Variants in SRGAP2C observed in about 807,000 individuals in gnomAD.
SRGAP2C encodes the protein SLIT-ROBO Rho GTPase-activating protein 2C.
In SRGAP2C, 15 loss-of-function variants were observed where a neutral mutation model predicts 25.1. The ratio of observed to expected loss-of-function variants is 0.60; its 90% CI spans 0.40 to 0.92. SRGAP2C has a LOEUF of 0.92. SRGAP2C is among the 40% of genes least tolerant of loss of function. The pLI is 0.00. For missense variants in SRGAP2C, 144 were observed against 264.4 expected (o/e 0.54, Z 3.16); for synonymous variants, 44 against 96.6 (o/e 0.46, Z 3.19).
chr1:121,361,834 A>AT (rs1203923145), intron 4 of SRGAP2C: 1 of 131,916 alleles, frequency 7.6e-6, no homozygotes, highest in East Asian at 2.3e-4. Context: ...GTCCAAAGTA[A>AT]TTTTTTCCCC....
chr1:121,265,847 T>C (rs1656762996), intron 2 of SRGAP2C, among the ~76,000 whole-genome samples: 3 of 151,948 alleles, frequency 2.0e-5, no homozygotes, highest in Admixed American at 1.3e-4. Context: ...AAATGTAACC[T>C]AGTGATCTGG....
chr1:121,309,445 T>TA (rs1420870101), intron 3 of SRGAP2C, among the ~76,000 whole-genome samples: 2 of 137,262 alleles, frequency 1.5e-5, no homozygotes, highest in Non-Finnish European at 3.2e-5. Flanking sequence ...TTTAATACTT[T>TA]AAGTTTTAGG....
rs1553340530 is a variant in SRGAP2C, at chr1:121,315,620, C to G, written c.261-8858C>G. ...ATAATATGCTGTAATTTAGAGCACA[C>G]AAGCCAATGGACATACAAATTTGGT... On this transcript the variant is annotated intron_variant, in intron 3 of 9. Transcript: ENST00000367123. 2.2e-4 allele frequency among the ~76,000 whole-genome samples: 33 copies of G among 149,792 alleles called. No individual in the cohort carries two copies. The East Asian group carries it at 5.0e-3, about 22-fold the overall frequency.
At chr1:121,351,705 TAAAC>T (rs1327019531) in intron 4 of SRGAP2C, among the ~76,000 whole-genome samples, 2 of 149,614 alleles carry the variant, frequency 1.3e-5, no homozygotes, top group African/African-American at 2.5e-5. Flanking sequence ...GGAACAAACT[TAAAC>T]AAAGTATGGC....
chr1:121,339,067 TA>T (rs1658588794), intron 4 of SRGAP2C, among the ~76,000 whole-genome samples: 1 of 151,878 alleles, frequency 6.6e-6, no homozygotes, highest in East Asian at 1.9e-4. Flanking sequence ...CACATTTTTT[TA>T]AAAATGAGAG....
chr1:121,327,565 TA>T (rs1397203649), intron 4 of SRGAP2C, among the ~76,000 whole-genome samples: 25 of 79,262 alleles, frequency 3.2e-4, no homozygotes, highest in East Asian at 2.4e-3. Context: ...CCCTGACTCC[TA>T]AAAAAAAAAA....
intron 2 of SRGAP2C, among the ~76,000 whole-genome samples, chr1:121,208,209 G>T (rs1312112206): frequency 1.3e-5 from 2 of 152,156 alleles, no homozygotes; most frequent in South Asian, 2.1e-4. Flanking sequence ...TGTTTGTTTT[G>T]ATGAGACTTG....
intron 4 of SRGAP2C, among the ~76,000 whole-genome samples, chr1:121,353,391 C>G (rs1462937054): frequency 6.8e-6 from 1 of 147,556 alleles, no homozygotes; most frequent in East Asian, 2.0e-4. Context: ...ATCTGTTGCC[C>G]AGCCTGGTCT....
chr1:121,372,879 GCACACACACA>G (rs199523525), intron 5 of SRGAP2C, among the ~76,000 whole-genome samples: 4 of 63,238 alleles, frequency 6.3e-5, no homozygotes, highest in African/African-American at 2.5e-4. Context: ...ACACACACAT[GCACACACACA>G]CACACACACA....
At chr1:121,370,735 T>C (rs1380875538) in intron 5 of SRGAP2C, among the ~76,000 whole-genome samples, 35 of 151,858 alleles carry the variant, frequency 2.3e-4, no homozygotes, top group Non-Finnish European at 4.0e-4. Context: ...TGAGCCACCA[T>C]GCCCGGCCTG....
intron 2 of SRGAP2C, among the ~76,000 whole-genome samples, chr1:121,210,297 G>A (rs1473726966): frequency 7.2e-6 from 1 of 139,502 alleles, no homozygotes; most frequent in Non-Finnish European, 1.5e-5. Context: ...TTCCCTAGCA[G>A]GGTAATTCCA....
rs1655237532 is a variant in SRGAP2C, at chr1:121,211,036, A to G, written c.67+23523A>G. Among the ~76,000 whole-genome samples the G allele has an allele frequency of 2.2e-5, 3 of 134,166 alleles. No homozygotes were observed. In the Admixed American group the frequency reaches 2.3e-4, roughly 10 times the overall value. The allele number at this position is 134,166 out of a possible 152,430, so 88.0% of individuals were successfully genotyped here. A position where few individuals can be genotyped will look rare whatever the true frequency, so the allele number is the denominator to read the frequency against. Reference sequence around the variant, plus strand: ...GCCACTGAATAAACAAATTGATAGGAATGGCGGACATAATCTCTGCAGTTC... The same window carrying G: ...GCCACTGAATAAACAAATTGATAGGGATGGCGGACATAATCTCTGCAGTTC... On this transcript the variant is annotated intron_variant, in intron 2 of 9. Coordinates refer to ENST00000367123, the MANE Select transcript of SRGAP2C (RefSeq NM_001329984.2).
In SRGAP2C at chr1:121,374,904, A is replaced by G. The variant is rs782453082; in HGVS notation, c.781A>G (p.Asn261Asp). 1.3e-5 allele frequency: 10 copies of G among 779,226 alleles called. No individual in the cohort carries two copies. The highest frequency in any genetic ancestry group is 2.3e-4 in the Middle Eastern group (1 of 4,442). The allele number at this position is 779,226 out of a possible 1,614,324, so 48.3% of individuals were successfully genotyped here. ...NEYLLALEAT[N>D]ASVFKYYIHD... ...GTACTTGCTGGCTTTGGAGGCAACC[A>G]ATGCATCTGTCTTCAAGTACTACAT... The change falls in exon 7 of 10, where the codon AAT becomes GAT. Residue 261 changes from asparagine to aspartate, a missense_variant. Physicochemically the swap from Asn to Asp is conservative, Grantham distance 23. Around this residue, in one of 5 missense-constraint regions of SRGAP2C, gnomAD observed 34 missense variants for 23.0 expected, o/e 1.48. Transcript: ENST00000367123.
In SRGAP2C at chr1:121,391,665, A is replaced by AAAC. The variant is rs1660090435; in HGVS notation, c.*3811_*3812insACA. 3 of 151,794 alleles carry AAAC rather than the reference A, an allele frequency of 2.0e-5. No individual in the cohort carries two copies. Among genetic ancestry groups the AAAC allele is most frequent in the African/African-American group, 7.3e-5 (3 of 41,016 alleles). The allele number at this position is 151,794 out of a possible 1,614,324, so 9.4% of individuals were successfully genotyped here. On this transcript the variant is annotated 3_prime_UTR_variant, in exon 10 of 10. Transcript: ENST00000367123. ...TTTGGAAAATTTCACTAAAAAAAAAAATCCTTAACAATATAATAAGTAAAG... is the reference window on the plus strand; with the variant it reads ...TTTGGAAAATTTCACTAAAAAAAAAAAACATCCTTAACAATATAATAAGTAAAG...
intron 2 of SRGAP2C, among the ~76,000 whole-genome samples, chr1:121,258,123 A>G (rs1216067558): frequency 6.6e-6 from 1 of 151,206 alleles, no homozygotes; most frequent in Non-Finnish European, 1.5e-5. Flanking sequence ...CCGTTCCTCT[A>G]TAATTGTTTT....
intron 5 of SRGAP2C, among the ~76,000 whole-genome samples, chr1:121,372,286 T>C (rs1193614249): frequency 6.6e-6 from 1 of 152,204 alleles, no homozygotes; most frequent in East Asian, 1.9e-4. Context: ...AAGCTAGATT[T>C]TCTCAACGTC....
At chr1:121,326,455 A>G (rs1259654668) in intron 4 of SRGAP2C, among the ~76,000 whole-genome samples, 2 of 81,396 alleles carry the variant, frequency 2.5e-5, no homozygotes, top group African/African-American at 1.1e-4. Context: ...AAAGGTAGGT[A>G]CATGGCATGT....
chr1:121,336,365 G>A (rs1174426837), intron 4 of SRGAP2C, among the ~76,000 whole-genome samples: 1 of 135,214 alleles, frequency 7.4e-6, no homozygotes, highest in Non-Finnish European at 1.6e-5. Flanking sequence ...CACAAGCCAG[G>A]CTTTAAGAAT....
At chr1:121,294,690 C>CTT (rs1164306936) in intron 3 of SRGAP2C, among the ~76,000 whole-genome samples, 1 of 115,904 alleles carries the variant, frequency 8.6e-6, no homozygotes, top group Non-Finnish European at 1.8e-5. Context: ...TTTTAGGTAG[C>CTT]TTTTTTTTTT....
Sources: gnomAD v4.1 joint callset for allele counts (sites outside exome capture counted in the v4.1 genomes callset) on GRCh38, gnomAD v4.1.1 for gene constraint, gnomAD v4.1.1 regional missense constraint, MANE v1.5 for transcripts, NCBI Gene and HGNC (gene_info 2026-07-23, HGNC 2026-07-21) for gene names.